ZNF44: variants seen among roughly 807,000 people sequenced by gnomAD.
ZNF44 encodes the protein zinc finger protein 44.
A neutral mutation model predicts 11.7 loss-of-function variants in ZNF44; 9 were observed. The ratio of observed to expected loss-of-function variants is 0.77; its 90% confidence interval spans 0.46 to 1.35. The LOEUF (loss-of-function observed/expected upper bound fraction) is 1.35. Ranked by LOEUF, ZNF44 falls within the 40% of genes most tolerant of loss-of-function variation. The probability of loss-of-function intolerance (pLI) is 0.00; values close to 1 mark genes in which losing one functional copy is unlikely to be tolerated. For synonymous variants in ZNF44, 224 were observed against 242.7 expected (o/e 0.92, Z 0.72); for missense variants, 696 against 743.1 (o/e 0.94, Z 0.74).
At chr19:12,279,995 C>T (rs1404155766) in intron 1 of ZNF44, among the ~76,000 whole-genome samples, 1 of 151,228 alleles carries the variant, frequency 6.6e-6, no homozygotes, top group Non-Finnish European at 1.5e-5. Context: ...TAAATGAAGG[C>T]ACAAAAAATT....
At chr19:12,284,708 C>T in intron 1 of ZNF44, 1 of 733,202 alleles carries the variant, frequency 1.4e-6, no homozygotes, top group Non-Finnish European at 2.4e-6. Context: ...ACTACAATGG[C>T]CATGTCCGTC....
Position 12,294,840 on chromosome 19 carries a change from T to A in ZNF44, c.-146A>T. ...TCACCAGGGTGAAGAGGCCACTAGC[T>A]CCTGGAACGTCACACCCTCCTCTCT... On this transcript the variant is annotated 5_prime_UTR_variant, in exon 1 of 4. Transcript: ENST00000355684. 1.1e-6 allele frequency: 1 copy of A among 884,270 alleles called. No homozygotes were observed. 54.8% of individuals were successfully genotyped at this position (884,270 alleles called of 1,614,324 possible).
At position 12,273,479 on chromosome 19, in the gene ZNF44, G is replaced by A. The variant is rs1008969906; in HGVS notation, c.776C>T (p.Ser259Phe). The A allele has an allele frequency of 6.2e-7, 1 of 1,613,642 alleles. No homozygotes were observed. The highest frequency in any genetic ancestry group is 1.7e-5 in the Admixed American group (1 of 59,966). The change falls in exon 4 of 4, where the codon TCT (serine) becomes TTT (phenylalanine). Residue 259 changes from serine to phenylalanine, a missense_variant. Transcript: ENST00000355684. ...TGAACTGTAATCAGGGAAGGCTTTA[G>A]AACACTGCTTACATTCATACGGTTT... ...GEKPYECKQC[S>F]KAFPDYSSYL...
chr19:12,257,590 A>G (rs988952209), intron 5 of ZNF44, among the ~76,000 whole-genome samples: 1 of 151,722 alleles, frequency 6.6e-6, no homozygotes, highest in African/African-American at 2.4e-5. Context: ...GTTTGAGAGC[A>G]GCCTGGCCAA....
At position 12,273,543 on chromosome 19, in the gene ZNF44, TG is replaced by T; in HGVS notation, c.711del (p.Tyr237Ter). On this transcript the variant is annotated frameshift_variant, in exon 4 of 4. Coordinates refer to ENST00000355684, the MANE Select transcript of ZNF44 (RefSeq NM_016264.4). LOFTEE classifies it low-confidence loss of function (END_TRUNC). ...CKQCSKAFPV[Y>X]SSYLRHEKIH... ...ATTTTTTCATGTCTTAGATAGGAAC[TG>T]TAAACAGGGAAGGCTTTAGAACACT... 8.1e-6 allele frequency: 13 copies of T among 1,614,078 alleles called. No individual in the cohort carries two copies. The highest frequency in any genetic ancestry group is 1.1e-5 in the Non-Finnish European group (13 of 1,180,010).
At chr19:12,248,680 T>G (rs1382324476) in intron 7 of ZNF44, 1 of 1,258,072 alleles carries the variant, frequency 7.9e-7, no homozygotes. Flanking sequence ...ATATGATTTC[T>G]GTAAAAAATG....
chr19:12,251,767 A>C (rs1428342140), intron 5 of ZNF44, among the ~76,000 whole-genome samples: 1 of 152,072 alleles, frequency 6.6e-6, no homozygotes, highest in East Asian at 1.9e-4. Context: ...TTTGCAGTTT[A>C]CAGGCCAGGC....
chr19:12,263,251 T>C (rs774668577), intron 5 of ZNF44, among the ~76,000 whole-genome samples: 1 of 151,988 alleles, frequency 6.6e-6, no homozygotes, highest in Non-Finnish European at 1.5e-5. Context: ...CACACCCAAC[T>C]AATTTTGTAT....
intron 5 of ZNF44, among the ~76,000 whole-genome samples, chr19:12,266,707 T>C (rs1917745612): frequency 6.6e-6 from 1 of 152,182 alleles, no homozygotes; most frequent in Admixed American, 6.5e-5. Context: ...CTCAAACCTA[T>C]TGTTTAAATA....
intron 1 of ZNF44, among the ~76,000 whole-genome samples, chr19:12,277,020 A>G (rs1967256735): frequency 6.6e-6 from 1 of 152,076 alleles, no homozygotes; most frequent in African/African-American, 2.4e-5. Flanking sequence ...AATAAATATC[A>G]TTTCTTATAG....
At chr19:12,247,716 C>A (rs938563577) in exon 8 of ZNF44, 3 of 1,342,336 alleles carry the variant, frequency 2.2e-6, no homozygotes, top group African/African-American at 3.0e-5. Context: ...AGTATGAGTC[C>A]TTTCATGTCT....
chr19:12,260,330 C>T, intron 5 of ZNF44: 2 of 926,772 alleles, frequency 2.2e-6, no homozygotes, highest in Admixed American at 2.0e-5. Context: ...AGAGATCCGG[C>T]CAGCCGAAGC....
At position 12,273,763 on chromosome 19, in the gene ZNF44, AGT is replaced by A; in HGVS notation, c.490_491del (p.Thr164TrpfsTer6). ...HSFQTCERPHTGKKPYDCKEC... is the reference protein window; with the variant it reads ...HSFQTCERPHXGKKPYDCKEC... Reference sequence around the variant, plus strand: ...CCTTACAATCATAGGGTTTCTTTCCAGTGTGAGGCCTTTCACATGTTTGAAAG... The same window carrying A: ...CCTTACAATCATAGGGTTTCTTTCCAGTGAGGCCTTTCACATGTTTGAAAG... On this transcript the variant is annotated frameshift_variant, in exon 4 of 4. Coordinates refer to ENST00000355684, the MANE Select transcript of ZNF44 (RefSeq NM_016264.4). LOFTEE classifies it low-confidence loss of function (END_TRUNC). 6.2e-7 allele frequency: 1 copy of A among 1,614,180 alleles called. No individual in the cohort carries two copies. The highest frequency in any genetic ancestry group is 1.1e-5 in the South Asian group (1 of 91,084).
chr19:12,260,192 C>T (rs977827138), intron 5 of ZNF44: 1 of 770,898 alleles, frequency 1.3e-6, no homozygotes, highest in East Asian at 2.5e-5. Context: ...AGGACTATGC[C>T]GACCTACAGC....
intron 3 of ZNF44, among the ~76,000 whole-genome samples, chr19:12,229,914 G>A (rs1378464493): frequency 6.6e-6 from 1 of 152,054 alleles, no homozygotes; most frequent in Non-Finnish European, 1.5e-5. Context: ...GCTCAGCCAG[G>A]AAGAAAGATT....
At position 12,294,829 on chromosome 19, in the gene ZNF44, A is replaced by G; in HGVS notation, c.-135T>C. On this transcript the variant is annotated 5_prime_UTR_variant, in exon 1 of 4. Transcript: ENST00000355684. ...CGGAACAGAGGTCACCAGGGTGAAG[A>G]GGCCACTAGCTCCTGGAACGTCACA... 4.9e-6 allele frequency: 5 copies of G among 1,025,868 alleles called. No individual in the cohort carries two copies. The highest frequency in any genetic ancestry group is 1.8e-5 in the South Asian group (1 of 56,356). 63.5% of individuals were successfully genotyped at this position (1,025,868 alleles called of 1,614,324 possible). A position where few individuals can be genotyped will look rare whatever the true frequency, so the allele number is the denominator to read the frequency against.
chr19:12,237,655 CG>C (rs1368338688), upstream of ZNF44: 2 of 152,228 alleles, frequency 1.3e-5, no homozygotes, highest in Non-Finnish European at 2.9e-5. Flanking sequence ...TACACGACCC[CG>C]CCCAGTACCC....
intron 1 of ZNF44, among the ~76,000 whole-genome samples, chr19:12,292,318 T>C (rs1355973925): frequency 6.6e-6 from 1 of 150,876 alleles, no homozygotes; most frequent in Non-Finnish European, 1.5e-5. Flanking sequence ...TTATAAAAAA[T>C]AAAAATAATA....
At chr19:12,260,313 ACGAAGCAGAGATCCGGCCAGC>A in intron 5 of ZNF44, 1 of 874,228 alleles carries the variant, frequency 1.1e-6, no homozygotes, top group African/African-American at 1.6e-5. Context: ...GGTGGTGGTC[ACGAAGCAGAGATCCGGCCAGC>A]CGAAGCCTGC....
Sources: gnomAD v4.1 joint callset for allele counts (sites outside exome capture counted in the v4.1 genomes callset) on GRCh38, gnomAD v4.1.1 for gene constraint, MANE v1.5 for transcripts, NCBI Gene and HGNC (gene_info 2026-07-23, HGNC 2026-07-21) for gene names.